DIAPH2: variants seen among roughly 807,000 people sequenced by gnomAD.
The protein encoded by DIAPH2 is diaphanous related formin 2, also known as protein diaphanous homolog 2.
A neutral mutation model predicts 92.7 loss-of-function variants in DIAPH2; 35 were observed. The observed-to-expected ratio is 0.38, with a 90% CI of 0.29 to 0.50. The LOEUF (loss-of-function observed/expected upper bound fraction) is 0.50. Among genes scored for constraint, DIAPH2 ranks in the 20% least tolerant of loss-of-function variants. The pLI, the probability that DIAPH2 is intolerant of heterozygous loss-of-function variation, is 0.94. For missense variants in DIAPH2, 701 were observed against 819.5 expected, an observed-to-expected ratio of 0.86 and a Z score of 1.77; for synonymous variants, 301 against 280.4, an observed-to-expected ratio of 1.07 and a Z score of -0.73.
intron 26 of DIAPH2, among the ~76,000 whole-genome samples, chrX:97,496,029 AAGAAG>A (rs2070755236): frequency 1.8e-5 from 2 of 111,188 alleles, no homozygotes; most frequent in African/African-American, 6.5e-5. Context: ...TTCAAAACCA[AAGAAG>A]AGAAGTGTAA....
At chrX:97,285,383 C>CAAAAAAAAA (rs11336007) in intron 23 of DIAPH2, among the ~76,000 whole-genome samples, 797 of 37,034 alleles carry the variant, frequency 0.022, no homozygotes, top group Middle Eastern at 0.042. Context: ...ACTAAAAATA[C>CAAAAAAAAA]AAAAAAAAAA....
rs1393685966 is a variant in DIAPH2, at chrX:97,602,930, C to T, written c.*3613C>T. On this transcript the variant is annotated 3_prime_UTR_variant, in exon 27 of 27. Transcript: ENST00000324765. ...TCTCAAAAATCTTGTGGGTCTTCTA[C>T]GTATGTCACATTGATTCACACATTC... 1 of 110,803 alleles carries T rather than the reference C, an allele frequency of 9.0e-6. No homozygotes were observed. Among genetic ancestry groups the T allele is most frequent in the Non-Finnish European group, 1.9e-5 (1 of 52,611 alleles). The allele number at this position is 110,803 out of a possible 1,213,427, so 9.1% of individuals were successfully genotyped here. A position where few individuals can be genotyped will look rare whatever the true frequency, so the allele number is the denominator to read the frequency against.
At position 97,179,896 on chromosome X, in the gene DIAPH2, ACC is replaced by A. The variant is rs1028628315; in HGVS notation, c.2719+38105_2719+38106del. The stretch of plus-strand genomic sequence containing the variant: ...AATGAGAAAGATACAAAAGTGGAAA[ACC>A]CCTGATAAAACCAACAGATCTTGTG... On this transcript the variant is annotated intron_variant, in intron 22 of 26. Transcript: ENST00000324765. Among the ~76,000 whole-genome samples, 3 of 111,575 alleles carry A rather than the reference ACC, an allele frequency of 2.7e-5. No individual in the cohort carries two copies. The Admixed American group carries it at 2.8e-4, about 11-fold the overall frequency.
chrX:96,984,663 T>C, intron 17 of DIAPH2, among the ~76,000 whole-genome samples: 1 of 111,421 alleles, frequency 9.0e-6, no homozygotes, highest in East Asian at 2.8e-4. Flanking sequence ...AATTAATTCA[T>C]AAGCTGTGCT....
intron 14 of DIAPH2, among the ~76,000 whole-genome samples, chrX:96,946,128 G>C (rs907847903): frequency 2.7e-5 from 3 of 111,512 alleles, no homozygotes; most frequent in African/African-American, 9.7e-5. Flanking sequence ...TGTAGGCCTG[G>C]TGGAATTTGA....
At chrX:96,943,194 A>G (rs902461907) in intron 13 of DIAPH2, among the ~76,000 whole-genome samples, 4 of 111,168 alleles carry the variant, frequency 3.6e-5, no homozygotes, top group African/African-American at 1.3e-4. Flanking sequence ...TCAAAATGTG[A>G]CTTTTAATGT....
intron 4 of DIAPH2, among the ~76,000 whole-genome samples, chrX:96,876,971 AT>A (rs202230399): frequency 0.052 from 5,833 of 111,327 alleles, 176 homozygotes; most frequent in Middle Eastern, 0.14. Context: ...TTATAAATTG[AT>A]TTTAATATAT....
chrX:97,466,552 T>C (rs1339365635), intron 26 of DIAPH2, among the ~76,000 whole-genome samples: 3 of 111,866 alleles, frequency 2.7e-5, no homozygotes, highest in Non-Finnish European at 5.6e-5. Context: ...TCTCTTCTTA[T>C]GCTCACATAG....
chrX:96,694,059 T>C (rs1569367434), intron 1 of DIAPH2, among the ~76,000 whole-genome samples: 1 of 112,167 alleles, frequency 8.9e-6, no homozygotes, highest in Non-Finnish European at 1.9e-5. Flanking sequence ...TTATTTGTCA[T>C]TGGTTCTGAG....
intron 17 of DIAPH2, among the ~76,000 whole-genome samples, chrX:97,008,963 A>G (rs2066204765): frequency 9.0e-6 from 1 of 111,255 alleles, no homozygotes; most frequent in Non-Finnish European, 1.9e-5. Flanking sequence ...CTAGGGTTCT[A>G]CGGTTAGCAT....
chrX:96,956,660 C>T (rs1343595264), intron 15 of DIAPH2, among the ~76,000 whole-genome samples: 2 of 112,238 alleles, frequency 1.8e-5, no homozygotes, highest in Non-Finnish European at 3.8e-5. Context: ...CAAAATGCCA[C>T]CAGTCTCTTT....
intron 22 of DIAPH2, among the ~76,000 whole-genome samples, chrX:97,245,071 C>T (rs1371146786): frequency 9.4e-6 from 1 of 106,756 alleles, no homozygotes; most frequent in Non-Finnish European, 1.9e-5. Context: ...AGCCTGGCGA[C>T]AGAGTGAGAC....
rs900596283 is a variant in DIAPH2 at position 97,095,850 on chromosome X, G to A, written c.2248-3844G>A. Among the ~76,000 whole-genome samples, 10 of 112,227 alleles carry A rather than the reference G, an allele frequency of 8.9e-5. 1 individual carries two copies. The highest frequency in any genetic ancestry group is 2.8e-4 in the East Asian group (1 of 3,612). Reference sequence around the variant, plus strand: ...TCATCAGAATGTAAATTTGTGATGCGTAAAAGATGAAGAAAACTCTGCTCA... The same window carrying A: ...TCATCAGAATGTAAATTTGTGATGCATAAAAGATGAAGAAAACTCTGCTCA... On this transcript the variant is annotated intron_variant, in intron 19 of 26. Coordinates refer to ENST00000324765, the MANE Select transcript of DIAPH2 (RefSeq NM_006729.5).
At chrX:97,077,955 G>A (rs1223389050) in intron 19 of DIAPH2, among the ~76,000 whole-genome samples, 1 of 111,326 alleles carries the variant, frequency 9.0e-6, no homozygotes, top group African/African-American at 3.3e-5. Context: ...CTAAATTTTG[G>A]TGACTTTTAG....
At chrX:97,286,834 C>T (rs1252099700) in intron 23 of DIAPH2, among the ~76,000 whole-genome samples, 2 of 111,008 alleles carry the variant, frequency 1.8e-5, no homozygotes, top group African/African-American at 6.6e-5. Context: ...TTCTGGGTCC[C>T]GCAACTTCAA....
chrX:97,341,481 A>ATATT (rs1202424141), intron 23 of DIAPH2: 1 of 110,575 alleles, frequency 9.0e-6, no homozygotes, highest in African/African-American at 3.3e-5. Flanking sequence ...GAATATATAT[A>ATATT]TATTTCTTTT....
chrX:97,288,180 C>T (rs890884820), intron 23 of DIAPH2, among the ~76,000 whole-genome samples: 7 of 110,488 alleles, frequency 6.3e-5, no homozygotes, highest in Non-Finnish European at 9.4e-5. Flanking sequence ...GAGGGCTTGG[C>T]TGAGGTTGGT....
At chrX:97,029,802 G>C (rs1167554805) in intron 17 of DIAPH2, among the ~76,000 whole-genome samples, 1 of 111,292 alleles carries the variant, frequency 9.0e-6, no homozygotes, top group African/African-American at 3.3e-5. Context: ...CAAACTGTAT[G>C]TCTATCTTTA....
intron 22 of DIAPH2, among the ~76,000 whole-genome samples, chrX:97,159,532 C>T (rs901371587): frequency 9.0e-6 from 1 of 111,671 alleles, no homozygotes; most frequent in South Asian, 3.7e-4. Context: ...GTAAAAGGCA[C>T]TCAGTAATAT....
Sources: gnomAD v4.1 joint callset for allele counts (sites outside exome capture counted in the v4.1 genomes callset) on GRCh38, gnomAD v4.1.1 for gene constraint, MANE v1.5 for transcripts, NCBI Gene and HGNC (gene_info 2026-07-23, HGNC 2026-07-21) for gene names.